ABCB5: variants seen among roughly 807,000 people sequenced by gnomAD.
The protein encoded by ABCB5 is ATP binding cassette subfamily B member 5, also known as ATP-binding cassette sub-family B member 5.
In ABCB5, 155 loss-of-function variants were observed where a neutral mutation model predicts 144.2. The ratio of observed to expected loss-of-function variants is 1.08; its 90% confidence interval spans 0.94 to 1.23. ABCB5 has a LOEUF of 1.23. Ranked by LOEUF, ABCB5 falls within the 50% of genes most tolerant of loss-of-function variation. ABCB5 has a pLI of 0.00. For synonymous variants in ABCB5, 610 were observed against 528.6 expected, an observed-to-expected ratio of 1.15 and a Z score of -2.11; for missense variants, 1,830 against 1,520.8, an observed-to-expected ratio of 1.20 and a Z score of -3.38.
intron 23 of ABCB5, among the ~76,000 whole-genome samples, chr7:20,736,310 C>G (rs552272910): frequency 6.6e-6 from 1 of 152,106 alleles, no homozygotes; most frequent in Non-Finnish European, 1.5e-5. Context: ...CTCCACCTCC[C>G]GGGTTCAAGC....
intron 14 of ABCB5, among the ~76,000 whole-genome samples, chr7:20,677,763 C>A (rs1349994597): frequency 1.3e-5 from 2 of 152,034 alleles, no homozygotes; most frequent in East Asian, 3.9e-4. Context: ...TATAAAAGTA[C>A]CCTTTGCCCC....
intron 5 of ABCB5, among the ~76,000 whole-genome samples, chr7:20,634,984 A>G (rs1430570798): frequency 7.9e-5 from 12 of 152,096 alleles, no homozygotes; most frequent in Admixed American, 7.9e-4. Flanking sequence ...GTCAAGGCCA[A>G]TGTCCGGAAG....
intron 20 of ABCB5, among the ~76,000 whole-genome samples, chr7:20,708,103 G>A (rs1302453166): frequency 6.6e-6 from 1 of 151,966 alleles, no homozygotes. Context: ...CGCGCCCGGC[G>A]GTAACCTCAT....
At chr7:20,690,423 T>C (rs973079310) in intron 16 of ABCB5, among the ~76,000 whole-genome samples, 7 of 152,238 alleles carry the variant, frequency 4.6e-5, no homozygotes, top group African/African-American at 1.7e-4. Flanking sequence ...GAGTCCTATG[T>C]ATCATTTAGT....
intron 15 of ABCB5, among the ~76,000 whole-genome samples, chr7:20,683,371 G>T (rs1785888089): frequency 6.6e-6 from 1 of 152,070 alleles, no homozygotes; most frequent in African/African-American, 2.4e-5. Context: ...TTCCACAGTA[G>T]ACCTAATAAT....
intron 14 of ABCB5, among the ~76,000 whole-genome samples, chr7:20,681,032 T>TTCTTTCTCTCTCTC (rs1785789869): frequency 7.0e-5 from 2 of 28,392 alleles, no homozygotes; most frequent in South Asian, 1.7e-3. Context: ...CTTTCTTTCT[T>TTCTTTCTCTCTCTC]TCTCTTTCTT....
intron 20 of ABCB5, among the ~76,000 whole-genome samples, chr7:20,720,616 C>T (rs546612492): frequency 9.9e-5 from 15 of 151,986 alleles, no homozygotes; most frequent in African/African-American, 2.9e-4. Context: ...ATCTGGCTCG[C>T]GATCTTCAAA....
At chr7:20,671,162 A>C (rs1785450798) in intron 14 of ABCB5, among the ~76,000 whole-genome samples, 1 of 152,188 alleles carries the variant, frequency 6.6e-6, no homozygotes, top group African/African-American at 2.4e-5. Flanking sequence ...GCCTGTCTGC[A>C]ACTCTATATC....
At chr7:20,623,392 A>C in intron 2 of ABCB5, 54 bp downstream of exon 2, 464 of 1,379,592 alleles carry the variant, frequency 3.4e-4, no homozygotes, top group Non-Finnish European at 4.3e-4. Context: ...AATATAACTC[A>C]TCCTTTCCAC....
In ABCB5 at chr7:20,639,327, C is replaced by A. The variant is rs377407600; in HGVS notation, c.315-3857C>A. ...AGAGTGTACACTTTCTTAGAGGTTT[C>A]TTTTGAAGGACAAAGTTTTTAACTT... On this transcript the variant is annotated intron_variant, in intron 5 of 27. Transcript: ENST00000404938. Among the ~76,000 whole-genome samples, 241 of 152,198 alleles carry A rather than the reference C, an allele frequency of 1.6e-3. 9 individuals carry two copies. In the South Asian group the frequency reaches 0.045, roughly 29 times the overall value.
At chr7:20,694,685 A>T (rs1259848013) in intron 16 of ABCB5, among the ~76,000 whole-genome samples, 1 of 151,812 alleles carries the variant, frequency 6.6e-6, no homozygotes, top group African/African-American at 2.4e-5. Flanking sequence ...TTATGCAAAC[A>T]ATCTTATGGA....
chr7:20,655,047 T>G (rs1269029106), intron 13 of ABCB5, among the ~76,000 whole-genome samples: 1 of 129,290 alleles, frequency 7.7e-6, no homozygotes, highest in African/African-American at 2.8e-5. Context: ...CTGAAAAGAT[T>G]AAAAAAAAAA....
chr7:20,620,575 T>C (rs1313488746), intron 1 of ABCB5, among the ~76,000 whole-genome samples: 1 of 151,880 alleles, frequency 6.6e-6, no homozygotes, highest in African/African-American at 2.4e-5. Context: ...AATTTTAAAA[T>C]GGGCAACAGA....
At chr7:20,746,907 C>T (rs890327262) in intron 26 of ABCB5, among the ~76,000 whole-genome samples, 4 of 152,160 alleles carry the variant, frequency 2.6e-5, no homozygotes, top group Non-Finnish European at 4.4e-5. Context: ...TTAAATTTAA[C>T]AACCAATATA....
In ABCB5 at chr7:20,701,488, A is replaced by G. The variant is rs549096949; in HGVS notation, c.2337+1353A>G. 1.8e-3 allele frequency among the ~76,000 whole-genome samples: 272 copies of G among 152,322 alleles called. 2 individuals are homozygous for G. The highest frequency in any genetic ancestry group is 1.5e-3 in the Non-Finnish European group (102 of 68,034). On this transcript the variant is annotated intron_variant, in intron 19 of 27. Coordinates refer to ENST00000404938, the MANE Select transcript of ABCB5 (RefSeq NM_001163941.2). ...TTTTAATTTTTCCAAGCATACTTTG[A>G]ACTTCCTTTCTGTTCATGGAATGCT... is the stretch of plus-strand genomic sequence containing the variant.
chr7:20,645,818 A>T lies in ABCB5; in HGVS notation c.741A>T (p.Glu247Asp). ...SAYSKAGAVA[E>D]EVLSSIRTVI... Reference sequence around the variant, plus strand: ...ATTCCAAAGCTGGGGCTGTGGCAGAAGAAGTCTTGTCATCAATCCGAACAG... The same window carrying T: ...ATTCCAAAGCTGGGGCTGTGGCAGATGAAGTCTTGTCATCAATCCGAACAG... The change falls in exon 8 of 28, where the codon GAA (glutamate) becomes GAT (aspartate). Residue 247 changes from glutamate to aspartate, a missense_variant. Physicochemically the swap from Glu to Asp is conservative, Grantham distance 45. Transcript: ENST00000404938. The T allele has an allele frequency of 1.9e-6, 3 of 1,613,884 alleles. No individual in the cohort carries two copies. Among genetic ancestry groups the T allele is most frequent in the Non-Finnish European group, 2.5e-6 (3 of 1,179,778 alleles).
chr7:20,710,376 A>AAG (rs1786986277), intron 20 of ABCB5, among the ~76,000 whole-genome samples: 1 of 88,106 alleles, frequency 1.1e-5, no homozygotes, highest in African/African-American at 4.7e-5. Context: ...TCAAAAAAAA[A>AAG]AAAAAGTGGG....
chr7:20,628,391 C>T (rs1025353954), intron 3 of ABCB5, among the ~76,000 whole-genome samples: 4 of 152,154 alleles, frequency 2.6e-5, no homozygotes, highest in African/African-American at 9.7e-5. Context: ...GCCATATTTT[C>T]TTAATCCAGT....
intron 14 of ABCB5, among the ~76,000 whole-genome samples, chr7:20,670,997 C>T (rs1273693045): frequency 1.3e-5 from 2 of 151,900 alleles, no homozygotes; most frequent in Non-Finnish European, 2.9e-5. Context: ...ATAAAATATT[C>T]ATAAACTTGA....
Sources: gnomAD v4.1 joint callset for allele counts (sites outside exome capture counted in the v4.1 genomes callset) on GRCh38, gnomAD v4.1.1 for gene constraint, MANE v1.5 for transcripts, NCBI Gene and HGNC (gene_info 2026-07-23, HGNC 2026-07-21) for gene names.